OPA1: variants seen among roughly 807,000 people sequenced by gnomAD.
OPA1 encodes dynamin-like GTPase OPA1, mitochondrial.
A neutral mutation model predicts 152.9 loss-of-function variants in OPA1; 59 were observed. The ratio of observed to expected loss-of-function variants is 0.39; its 90% confidence interval spans 0.31 to 0.48. The LOEUF is 0.48. Ranked by LOEUF, OPA1 falls within the 20% of genes least tolerant of loss-of-function variation. The pLI, the probability that OPA1 is intolerant of heterozygous loss-of-function variation, is 0.96. For missense variants in OPA1, 1,008 were observed against 1,216.8 expected (o/e 0.83, Z 2.55); for synonymous variants, 400 against 389.9 (o/e 1.03, Z -0.31).
chr3:193,617,560 T>C (rs1729244723), intron 4 of OPA1, among the ~76,000 whole-genome samples: 1 of 152,246 alleles, frequency 6.6e-6, no homozygotes, highest in Admixed American at 6.5e-5. Context: ...TAGATGAGAC[T>C]TCCTATGTAT....
chr3:193,688,126 A>G (rs148290123), intron 29 of OPA1, among the ~76,000 whole-genome samples: 129 of 152,214 alleles, frequency 8.5e-4, no homozygotes, highest in Non-Finnish European at 1.4e-3. Context: ...GAAGCCAGCT[A>G]AGTTAGTTTT....
chr3:193,633,894 T>C (rs1732501388), intron 8 of OPA1, among the ~76,000 whole-genome samples: 1 of 152,178 alleles, frequency 6.6e-6, no homozygotes, highest in Non-Finnish European at 1.5e-5. Flanking sequence ...TTACTAGATA[T>C]AAATGAGTGA....
chr3:193,596,407 T>TTTTTTTTC (rs1725587485), intron 1 of OPA1, among the ~76,000 whole-genome samples: 2 of 101,874 alleles, frequency 2.0e-5, no homozygotes, highest in Admixed American at 1.1e-4. Flanking sequence ...TTTCTTTTCT[T>TTTTTTTTC]TTCTTTTCTT....
At chr3:193,657,010 T>C (rs1043055298) in intron 22 of OPA1, 70 bp from the exon 23 acceptor site, 15 of 1,350,514 alleles carry the variant, frequency 1.1e-5, no homozygotes, top group African/African-American at 1.5e-5. Context: ...CTTGAGCTCG[T>C]GTTATTTTTC....
intron 1 of OPA1, among the ~76,000 whole-genome samples, chr3:193,605,129 C>T (rs747385991): frequency 1.5e-4 from 23 of 152,156 alleles, no homozygotes; most frequent in Non-Finnish European, 2.8e-4. Context: ...AGGTGTATTG[C>T]TGATTTTTCC....
At chr3:193,639,932 G>GGA (rs375066899) in intron 11 of OPA1, among the ~76,000 whole-genome samples, 72 of 151,690 alleles carry the variant, frequency 4.7e-4, no homozygotes, top group Admixed American at 4.5e-3. Context: ...AAAGCAATGG[G>GGA]GAGAGAGAGA....
chr3:193,691,649 A>G (rs976553116), intron 29 of OPA1: 9 of 156,864 alleles, frequency 5.7e-5, no homozygotes, highest in African/African-American at 2.2e-4. Flanking sequence ...GTCTAAGGCC[A>G]CCTCTATTTT....
intron 29 of OPA1, among the ~76,000 whole-genome samples, chr3:193,676,295 C>T (rs1718972353): frequency 6.6e-6 from 1 of 151,956 alleles, no homozygotes; most frequent in South Asian, 2.1e-4. Context: ...GGTAGCAATA[C>T]TTGAACTCTT....
intron 29 of OPA1, among the ~76,000 whole-genome samples, chr3:193,668,095 C>G (rs931076087): frequency 3.3e-5 from 5 of 152,162 alleles, no homozygotes; most frequent in South Asian, 2.1e-4. Flanking sequence ...ATTCCTAAAT[C>G]ATGTGTATAT....
intron 29 of OPA1, among the ~76,000 whole-genome samples, chr3:193,682,488 C>G (rs930818857): frequency 1.3e-5 from 2 of 152,162 alleles, no homozygotes; most frequent in African/African-American, 4.8e-5. Flanking sequence ...ACGATGCCAT[C>G]TAGTAATTTA....
chr3:193,627,609 GAC>G (rs1731370223), intron 7 of OPA1, among the ~76,000 whole-genome samples: 1 of 152,190 alleles, frequency 6.6e-6, no homozygotes, highest in South Asian at 2.1e-4. Context: ...TTTTTCGTAA[GAC>G]AACTTGAAAT....
chr3:193,607,439 G>A (rs771715789), intron 1 of OPA1, among the ~76,000 whole-genome samples: 3 of 152,280 alleles, frequency 2.0e-5, no homozygotes, highest in Non-Finnish European at 2.9e-5. Flanking sequence ...ATTAATTTTT[G>A]TATAAGGTGT....
intron 29 of OPA1, among the ~76,000 whole-genome samples, chr3:193,669,140 AT>A (rs942146212): frequency 1.3e-5 from 2 of 152,232 alleles, no homozygotes; most frequent in African/African-American, 4.8e-5. Flanking sequence ...TTACAGTACA[AT>A]CCATAGGGTT....
intron 11 of OPA1, among the ~76,000 whole-genome samples, chr3:193,641,984 C>T (rs561220095): frequency 1.3e-5 from 2 of 152,224 alleles, no homozygotes; most frequent in African/African-American, 4.8e-5. Context: ...GGTGTGGTGG[C>T]GGGCATCTGT....
chr3:193,658,834 T>C, intron 23 of OPA1, 53 bp from the exon 24 acceptor site: 2 of 1,229,570 alleles, frequency 1.6e-6, no homozygotes, highest in African/African-American at 1.5e-5. Flanking sequence ...ATAAAACTAC[T>C]AAAATGATGA....
chr3:193,594,577 G>T (rs1485431027), intron 1 of OPA1, among the ~76,000 whole-genome samples: 1 of 152,080 alleles, frequency 6.6e-6, no homozygotes, highest in African/African-American at 2.4e-5. Context: ...TAGTAGAGAG[G>T]GGGTTTCACC....
intron 21 of OPA1, among the ~76,000 whole-genome samples, chr3:193,652,476 A>G (rs974757175): frequency 1.3e-5 from 2 of 152,146 alleles, no homozygotes; most frequent in Non-Finnish European, 2.9e-5. Flanking sequence ...TGACATAACT[A>G]GATGAAGTGG....
rs982651382 is a variant in OPA1 at position 193,695,486 on chromosome 3, C to G, written c.*886C>G. 1.3e-5 allele frequency: 2 copies of G among 152,080 alleles called. No homozygotes were observed. The highest frequency in any genetic ancestry group is 2.9e-5 in the Non-Finnish European group (2 of 67,988). 9.4% of individuals were successfully genotyped at this position (152,080 alleles called of 1,614,324 possible). A position where few individuals can be genotyped will look rare whatever the true frequency, so the allele number is the denominator to read the frequency against. Reference sequence around the variant, plus strand: ...CAACTAGGTATCAGAAAAAGGCTTTCTTTCATAAGACTATTTTAAATAGAA... The same window carrying G: ...CAACTAGGTATCAGAAAAAGGCTTTGTTTCATAAGACTATTTTAAATAGAA... On this transcript the variant is annotated 3_prime_UTR_variant, in exon 31 of 31. Transcript: ENST00000361510.
At chr3:193,600,138 C>T (rs1183299553) in intron 1 of OPA1, among the ~76,000 whole-genome samples, 2 of 152,204 alleles carry the variant, frequency 1.3e-5, no homozygotes, top group Non-Finnish European at 2.9e-5. Flanking sequence ...GAGTCCTCTT[C>T]GGGCCATATT....
Sources: gnomAD v4.1 joint callset for allele counts (sites outside exome capture counted in the v4.1 genomes callset) on GRCh38, gnomAD v4.1.1 for gene constraint, MANE v1.5 for transcripts, NCBI Gene and HGNC (gene_info 2026-07-23, HGNC 2026-07-21) for gene names.